The following USP1 variants were observed in gnomAD, a reference collection of about 807,000 sequenced individuals.
The protein encoded by USP1 is ubiquitin specific peptidase 1.
In USP1, 18 loss-of-function variants were observed where a neutral mutation model predicts 72.2. The observed-to-expected ratio is 0.25, with a 90% CI of 0.17 to 0.37. The LOEUF is 0.37. USP1 is among the 10% of genes least tolerant of loss of function. The probability of loss-of-function intolerance (pLI) is 1.00; values close to 1 mark genes in which losing one functional copy is unlikely to be tolerated. For synonymous variants in USP1, 354 were observed against 303.7 expected (o/e 1.17, Z -1.72); for missense variants, 759 against 884.9 (o/e 0.86, Z 1.81).
chr1:62,443,663 A>G (rs1381784478), intron 5 of USP1, among the ~76,000 whole-genome samples: 1 of 152,240 alleles, frequency 6.6e-6, no homozygotes, highest in Non-Finnish European at 1.5e-5. Flanking sequence ...CCATATAATC[A>G]TTGAATCTGA....
chr1:62,436,972 G>A, upstream of USP1: 1 of 396,582 alleles, frequency 2.5e-6, no homozygotes, highest in East Asian at 3.6e-5. Flanking sequence ...ACTGGAACCG[G>A]CAATTTCAAA....
chr1:62,447,544 A>G (rs781206656), intron 7 of USP1, 33 bp downstream of exon 7: 2 of 1,584,920 alleles, frequency 1.3e-6, no homozygotes, highest in Non-Finnish European at 1.7e-6. Flanking sequence ...GTGGACCATG[A>G]TGGAATATTT....
intron 1 of USP1, among the ~76,000 whole-genome samples, chr1:62,437,892 G>A (rs1167398707): frequency 6.6e-6 from 1 of 152,178 alleles, no homozygotes; most frequent in Admixed American, 6.5e-5. Context: ...GATTTTTGTT[G>A]AAAAATCGGA....
Position 62,451,070 on chromosome 1 carries a change from T to C in USP1, c.*89T>C. 1 of 1,292,484 alleles carries C rather than the reference T, an allele frequency of 7.7e-7. No individual in the cohort carries two copies. Among genetic ancestry groups the C allele is most frequent in the South Asian group, 1.6e-5 (1 of 63,764 alleles). The allele number at this position is 1,292,484 out of a possible 1,614,324, so 80.1% of individuals were successfully genotyped here. On this transcript the variant is annotated 3_prime_UTR_variant, in exon 9 of 9. Transcript: ENST00000339950. ...ACATCAAAGAATCTTTAGCTTATCT[T>C]TTGAAGCTACTGGATATTATTGGTC... is the stretch of plus-strand genomic sequence containing the variant.
At chr1:62,443,084 G>C in intron 4 of USP1, 75 bp from the exon 5 acceptor site, 1 of 1,472,044 alleles carries the variant, frequency 6.8e-7, no homozygotes, top group East Asian at 2.3e-5. Flanking sequence ...GTATTCTTAA[G>C]TGAGACAAAG....
chr1:62,445,324 T>A lies in USP1; in HGVS notation c.1144T>A (p.Leu382Met), dbSNP rs777952006. 4 of 1,613,372 alleles carry A rather than the reference T, an allele frequency of 2.5e-6. No homozygotes were observed. The East Asian group carries it at 8.9e-5, about 36-fold the overall frequency. Residue 382 changes from leucine (L) to methionine (M), a missense_variant, in exon 6 of 9, where the codon TTG becomes ATG. By Grantham distance (15) the Leu-to-Met change is conservative (BLOSUM62 2). This residue lies in a region of USP1 where 245 missense variants were observed against 240.7 expected (regional missense o/e 1.02). Coordinates refer to ENST00000339950, the MANE Select transcript of USP1 (RefSeq NM_003368.5). ...KENECDPEED[L>M]GKCESDNTTN... ...AAATGAATGTGATCCTGAAGAGGAC[T>A]TGGGGAAGTGTGAAAGTGATAACAC...
At chr1:62,437,583 G>A (rs1280616979) in intron 1 of USP1, among the ~76,000 whole-genome samples, 183 bp downstream of exon 1, 1 of 152,094 alleles carries the variant, frequency 6.6e-6, no homozygotes, top group Non-Finnish European at 1.5e-5. Flanking sequence ...GACGCGAGAA[G>A]GCAGGTGCGG....
At chr1:62,443,657 A>G (rs556729695) in intron 5 of USP1, among the ~76,000 whole-genome samples, 2 of 152,344 alleles carry the variant, frequency 1.3e-5, no homozygotes, top group South Asian at 2.1e-4. Flanking sequence ...TATATGCCAT[A>G]TAATCATTGA....
upstream of USP1, chr1:62,436,455 T>TGA (rs1469811427): frequency 6.6e-6 from 1 of 152,232 alleles, no homozygotes; most frequent in Non-Finnish European, 1.5e-5. Context: ...GCACCGCGCC[T>TGA]GAGGAACACT....
At chr1:62,449,998 A>G (rs1374302959) in intron 8 of USP1, among the ~76,000 whole-genome samples, 2 of 152,108 alleles carry the variant, frequency 1.3e-5, no homozygotes, top group Non-Finnish European at 2.9e-5. Context: ...AATTAGGAAA[A>G]TAAAGGAAAA....
intron 3 of USP1, 80 bp downstream of exon 3, chr1:62,441,688 A>T (rs926571210): frequency 8.1e-6 from 12 of 1,476,308 alleles, no homozygotes; most frequent in Middle Eastern, 2.3e-4. Flanking sequence ...GAGTTATTGG[A>T]GGACTTTAAT....
At chr1:62,442,397 C>A (rs1645140273) in intron 4 of USP1, 98 bp downstream of exon 4, 2 of 832,900 alleles carry the variant, frequency 2.4e-6, no homozygotes, top group Non-Finnish European at 3.7e-6. Context: ...GGGTGGATGA[C>A]AAAGATTATT....
At chr1:62,440,383 ATTTG>A (rs1046526693) in intron 2 of USP1, among the ~76,000 whole-genome samples, 30 of 143,744 alleles carry the variant, frequency 2.1e-4, no homozygotes, top group African/African-American at 4.0e-4. Context: ...ATATATATAT[ATTTG>A]TTTGGTTCAG....
At chr1:62,437,486 C>G in intron 1 of USP1, 86 bp downstream of exon 1, 1 of 279,118 alleles carries the variant, frequency 3.6e-6, no homozygotes, top group Non-Finnish European at 6.7e-6. Flanking sequence ...GGGGAGACCC[C>G]GGGACCGTGT....
chr1:62,442,167 A>C, intron 3 of USP1, 28 bp from the exon 4 acceptor site: 3 of 1,427,724 alleles, frequency 2.1e-6, no homozygotes, highest in Non-Finnish European at 2.9e-6. Context: ...TGTTCAGTAA[A>C]CACTTAAGAC....
Position 62,450,792 on chromosome 1 carries a change from C to CAAT in USP1, c.2170_2171insATA (p.Gly723_Ile724insAsn). On this transcript the variant is annotated inframe_insertion, in exon 9 of 9. Coordinates refer to ENST00000339950, the MANE Select transcript of USP1 (RefSeq NM_003368.5). Reference sequence around the variant, plus strand: ...ACAAGGAATCCAGTGACCAAACAGGCATTAATATTAGTGGATTTGAGAACA... The same window carrying CAAT: ...ACAAGGAATCCAGTGACCAAACAGGCAATATTAATATTAGTGGATTTGAGAACA... 6.2e-7 allele frequency: 1 copy of CAAT among 1,613,900 alleles called. No homozygotes were observed. The highest frequency in any genetic ancestry group is 8.5e-7 in the Non-Finnish European group (1 of 1,179,940).
In USP1 at chr1:62,445,222, C is replaced by G. The variant is rs779564906; in HGVS notation, c.1042C>G (p.Gln348Glu). ...KINWLKSATKQPSILSKFCSL... is the reference protein window; with the variant it reads ...KINWLKSATKEPSILSKFCSL... ...AAATTGGTTAAAGTCTGCAACTAAG[C>G]AACCCAGCATTCTTTCTAAATTTTG... is the stretch of plus-strand genomic sequence containing the variant. The change falls in exon 6 of 9, where the codon CAA becomes GAA. Residue 348 changes from glutamine (Q) to glutamate (E), a missense_variant. Gln to Glu is a conservative substitution (Grantham distance 29). This residue lies in a region of USP1 where 245 missense variants were observed against 240.7 expected (regional missense o/e 1.02). Coordinates refer to ENST00000339950, the MANE Select transcript of USP1 (RefSeq NM_003368.5). The G allele has an allele frequency of 1.4e-5, 23 of 1,612,058 alleles. No homozygotes were observed. The highest frequency in any genetic ancestry group is 1.7e-6 in the Non-Finnish European group (2 of 1,179,534).
chr1:62,441,139 C>T (rs949371962), intron 2 of USP1, among the ~76,000 whole-genome samples: 48 of 151,968 alleles, frequency 3.2e-4, no homozygotes, highest in African/African-American at 1.1e-3. Context: ...TTAGTTTATT[C>T]CCAGGTTTCT....
In USP1 at chr1:62,447,342, T is replaced by G. The variant is rs1312508343; in HGVS notation, c.1251T>G (p.Gly417=). 1 of 1,611,988 alleles carries G rather than the reference T, an allele frequency of 6.2e-7. No homozygotes were observed. The highest frequency in any genetic ancestry group is 8.5e-7 in the Non-Finnish European group (1 of 1,179,264). The change falls in exon 7 of 9, where the codon GGT becomes GGG. Residue 417 remains glycine (G), a splice_region_variant and synonymous_variant. Transcript: ENST00000339950. Reference sequence around the variant, plus strand: ...TACATTTTCCTATTTTCATTTTAGGTGAAGAACAAATTGGTTTTGAGCTAG... The same window carrying G: ...TACATTTTCCTATTTTCATTTTAGGGGAAGAACAAATTGGTTTTGAGCTAG... ...NVNEVKPINK[G]EEQIGFELVE...
Sources: allele counts gnomAD v4.1 joint callset (sites outside exome capture counted in the v4.1 genomes callset), GRCh38; gene constraint gnomAD v4.1.1; regional missense constraint gnomAD v4.1.1; transcripts MANE v1.5; gene names NCBI Gene and HGNC (gene_info 2026-07-23, HGNC 2026-07-21).